The following DNA2 variants were observed in gnomAD, a reference collection of about 807,000 sequenced individuals.
DNA2 encodes the protein DNA replication ATP-dependent helicase/nuclease DNA2.
A neutral mutation model predicts 119.1 loss-of-function variants in DNA2; 101 were observed. The ratio of observed to expected loss-of-function variants is 0.85; its 90% CI spans 0.72 to 1.00. DNA2 has a LOEUF of 1.00. DNA2 is among the 50% of genes least tolerant of loss of function. DNA2 has a pLI of 0.00. For missense variants in DNA2, 1,121 were observed against 1,255.5 expected (o/e 0.89, Z 1.62); for synonymous variants, 366 against 424.4 (o/e 0.86, Z 1.69).
intron 14 of DNA2, chr10:68,424,678 A>T: frequency 1.2e-6 from 2 of 1,606,944 alleles, no homozygotes; most frequent in Non-Finnish European, 1.7e-6. Flanking sequence ...GAGCTGCGGC[A>T]GAAGTACAAT....
chr10:68,457,306 C>T (rs2052197940), intron 5 of DNA2, among the ~76,000 whole-genome samples: 1 of 152,216 alleles, frequency 6.6e-6, no homozygotes, highest in African/African-American at 2.4e-5. Flanking sequence ...ACTGCACACA[C>T]AGCTAGTATG....
intron 3 of DNA2, among the ~76,000 whole-genome samples, chr10:68,466,326 A>G (rs916710373): frequency 1.3e-5 from 2 of 152,198 alleles, no homozygotes; most frequent in Non-Finnish European, 2.9e-5. Context: ...ATATTCTCAA[A>G]TAATTAATAT....
At chr10:68,429,813 G>C (rs1344912612) in intron 14 of DNA2, among the ~76,000 whole-genome samples, 1 of 146,970 alleles carries the variant, frequency 6.8e-6, no homozygotes, top group East Asian at 2.0e-4. Context: ...CTATATAAAA[G>C]CCTAGAGATA....
rs368283374 is a variant in DNA2 at position 68,470,091 on chromosome 10, C to T, written c.147G>A (p.Val49=). The T allele has an allele frequency of 8.1e-6, 13 of 1,613,676 alleles. No homozygotes were observed. The highest frequency in any genetic ancestry group is 1.1e-5 in the Non-Finnish European group (13 of 1,179,852). Reference sequence around the variant, plus strand: ...TGTTCTGTACAGTATTGACTGCCAACACCAGGTACCGGTTATCCATTCCTG... The same window carrying T: ...TGTTCTGTACAGTATTGACTGCCAATACCAGGTACCGGTTATCCATTCCTG... ...LSTGMDNRYL[V]LAVNTVQNKE... Residue 49 remains valine (V), a synonymous_variant, in exon 2 of 21, where the codon GTG becomes GTA. Coordinates refer to ENST00000358410, the MANE Select transcript of DNA2 (RefSeq NM_001080449.3).
In DNA2 at chr10:68,422,769, A is replaced by G. The variant is rs764046898; in HGVS notation, c.2330T>C (p.Phe777Ser). 8.7e-6 allele frequency: 14 copies of G among 1,610,530 alleles called. No individual in the cohort carries two copies. The highest frequency in any genetic ancestry group is 1.2e-5 in the Non-Finnish European group (14 of 1,179,142). The change falls in exon 15 of 21, where the codon TTT (phenylalanine) becomes TCT (serine). Residue 777 changes from phenylalanine to serine, a missense_variant. Physicochemically the swap from Phe to Ser is radical, Grantham distance 155. Transcript: ENST00000358410. ...CACTAACACAAATCTCCGTGAAAAA[A>G]AAAGGGGGCCCAGACAAATTGGTTG... ...ISQPICLGPL[F>S]FSRRFVLVGD... is the part of the protein sequence containing the mutation.
chr10:68,428,819 A>G (rs937339677), intron 14 of DNA2, among the ~76,000 whole-genome samples: 14 of 152,154 alleles, frequency 9.2e-5, no homozygotes, highest in African/African-American at 3.4e-4. Flanking sequence ...AGGAGGGGTA[A>G]GGCAGGAGAG....
At chr10:68,415,803 G>A (rs746871307) in intron 20 of DNA2, among the ~76,000 whole-genome samples, 2 of 152,068 alleles carry the variant, frequency 1.3e-5, no homozygotes, top group East Asian at 1.9e-4. Flanking sequence ...ACAGGCACAC[G>A]TCACCATGCC....
At chr10:68,445,294 G>A (rs1047847840) in intron 7 of DNA2, among the ~76,000 whole-genome samples, 6 of 151,978 alleles carry the variant, frequency 3.9e-5, no homozygotes, top group African/African-American at 1.2e-4. Flanking sequence ...GTGAAACCCC[G>A]TCTCTACTAA....
At chr10:68,470,250 G>C in intron 1 of DNA2, 87 bp from the exon 2 acceptor site, 3 of 1,173,416 alleles carry the variant, frequency 2.6e-6, no homozygotes, top group African/African-American at 1.5e-5. Flanking sequence ...CAATCTTCCA[G>C]TTTTCTAGGT....
chr10:68,432,598 T>C (rs1472288190), intron 10 of DNA2, 88 bp from the exon 11 acceptor site: 1 of 766,816 alleles, frequency 1.3e-6, no homozygotes, highest in Non-Finnish European at 2.2e-6. Flanking sequence ...AAAGAATGAA[T>C]GGGCCAGAAT....
intron 5 of DNA2, among the ~76,000 whole-genome samples, chr10:68,452,312 A>G (rs999868137): frequency 6.6e-6 from 1 of 152,132 alleles, no homozygotes; most frequent in South Asian, 2.1e-4. Context: ...AACTCAACCA[A>G]TCCTCTTGTC....
At chr10:68,435,773 C>A (rs556396120) in intron 10 of DNA2, among the ~76,000 whole-genome samples, 1 of 152,192 alleles carries the variant, frequency 6.6e-6, no homozygotes, top group South Asian at 2.1e-4. Context: ...TTATTTAAAT[C>A]AGCCATTTTG....
chr10:68,450,975 C>A (rs1345416734), intron 5 of DNA2, among the ~76,000 whole-genome samples: 2 of 151,988 alleles, frequency 1.3e-5, no homozygotes, highest in Non-Finnish European at 2.9e-5. Flanking sequence ...GTGGCACATG[C>A]CTGTAATCCC....
At chr10:68,433,495 A>G (rs941092882) in intron 10 of DNA2, among the ~76,000 whole-genome samples, 1 of 152,160 alleles carries the variant, frequency 6.6e-6, no homozygotes, top group African/African-American at 2.4e-5. Flanking sequence ...AAACCTTTCA[A>G]TACAATTCTA....
intron 17 of DNA2, 55 bp downstream of exon 17, chr10:68,422,170 A>G: frequency 7.2e-7 from 1 of 1,385,092 alleles, no homozygotes; most frequent in Non-Finnish European, 9.6e-7. Context: ...GAAAACTGAG[A>G]AATTTAAATA....
Position 68,440,998 on chromosome 10 carries a change from T to C in DNA2, c.1415+1919A>G, listed in dbSNP as rs138800706. Among the ~76,000 whole-genome samples the C allele has an allele frequency of 2.2e-3, 340 of 152,106 alleles. 4 individuals carry two copies. The highest frequency in any genetic ancestry group is 7.2e-3 in the African/African-American group (299 of 41,524). On this transcript the variant is annotated intron_variant, in intron 9 of 20. Coordinates refer to ENST00000358410, the MANE Select transcript of DNA2 (RefSeq NM_001080449.3). ...GAATTTAAGACTATGCTGGGCAACA[T>C]AGCAAGACCCTGTTTCTATAATCAC...
At chr10:68,422,914 GTTAT>G in intron 14 of DNA2, 24 bp from the exon 15 acceptor site, 1 of 1,469,648 alleles carries the variant, frequency 6.8e-7, no homozygotes, top group East Asian at 2.3e-5. Flanking sequence ...AAACAGATCA[GTTAT>G]TTAACATGTA....
intron 3 of DNA2, 75 bp downstream of exon 3, chr10:68,468,048 G>T: frequency 9.0e-7 from 1 of 1,106,522 alleles, no homozygotes; most frequent in Non-Finnish European, 1.2e-6. Flanking sequence ...GGAGGATTAA[G>T]TGAAATAATA....
chr10:68,433,290 A>T (rs753727194), intron 10 of DNA2, among the ~76,000 whole-genome samples: 28 of 152,062 alleles, frequency 1.8e-4, no homozygotes, highest in Non-Finnish European at 4.0e-4. Context: ...AATGCCAGCC[A>T]CTTTTACTTT....
Sources: gnomAD v4.1 joint callset for allele counts (sites outside exome capture counted in the v4.1 genomes callset) on GRCh38, gnomAD v4.1.1 for gene constraint, MANE v1.5 for transcripts, NCBI Gene and HGNC (gene_info 2026-07-23, HGNC 2026-07-21) for gene names.